The following TAF5 variants were observed in gnomAD, a reference collection of about 807,000 sequenced individuals.
The protein encoded by TAF5 is TATA-box binding protein associated factor 5.
A neutral mutation model predicts 80.9 loss-of-function variants in TAF5; 20 were observed. That is an observed-to-expected ratio of 0.25 (90% confidence interval 0.17 to 0.36). The LOEUF is 0.36. Ranked by LOEUF, TAF5 falls within the 10% of genes least tolerant of loss-of-function variation. The pLI is 1.00. For synonymous variants in TAF5, 388 were observed against 406.4 expected, an observed-to-expected ratio of 0.95 and a Z score of 0.55; for missense variants, 863 against 1,029.4, an observed-to-expected ratio of 0.84 and a Z score of 2.21.
Position 103,378,653 on chromosome 10 carries a change from A to G in TAF5, c.1113+103A>G, listed in dbSNP as rs936342502. On this transcript the variant is annotated intron_variant, in intron 3 of 10. Coordinates refer to ENST00000369839, the MANE Select transcript of TAF5 (RefSeq NM_006951.5). This position sits in a 1 kb window ranked among gnomAD's most constrained non-coding sequence, Gnocchi z 4.1. Reference sequence around the variant, plus strand: ...TTTTCTTATAGCTAGCTTGGAAACAATTTTTTTCGTTTGTTTGTTTTGAGA... The same window carrying G: ...TTTTCTTATAGCTAGCTTGGAAACAGTTTTTTTCGTTTGTTTGTTTTGAGA... The G allele has an allele frequency of 2.2e-5, 29 of 1,337,882 alleles. No homozygotes were observed. The African/African-American group carries it at 2.7e-4, about 12-fold the overall frequency. The allele number at this position is 1,337,882 out of a possible 1,614,324, so 82.9% of individuals were successfully genotyped here.
rs749885801 is a variant in TAF5 at position 103,387,631 on chromosome 10, A to G, written c.2118A>G (p.Glu706=). The G allele has an allele frequency of 4.3e-6, 7 of 1,614,048 alleles. No homozygotes were observed. The African/African-American group carries it at 9.3e-5, about 22-fold the overall frequency. Residue 706 remains glutamate (E), a synonymous_variant, in exon 10 of 11, where the codon GAA becomes GAG. Coordinates refer to ENST00000369839, the MANE Select transcript of TAF5 (RefSeq NM_006951.5). ...TTGGACATGGTTTGATGGTTGGAGA[A>G]TTAAAAGGCCACACTGATACAGTCT... ...WDIGHGLMVG[E]LKGHTDTVCS...
At position 103,378,829 on chromosome 10, in the gene TAF5, G is replaced by A. The variant is rs1268505384; in HGVS notation, c.1113+279G>A. On this transcript the variant is annotated intron_variant, in intron 3 of 10. Transcript: ENST00000369839. The surrounding 1 kb of genome is among the most constrained non-coding windows in gnomAD (Gnocchi z 4.1). ...CACGCCACCAACCTGGCTAATTTTTGTATTTACTTTAGTAGAGACAGGGTT... is the reference window on the plus strand; with the variant it reads ...CACGCCACCAACCTGGCTAATTTTTATATTTACTTTAGTAGAGACAGGGTT... 1.3e-5 allele frequency among the ~76,000 whole-genome samples: 2 copies of A among 152,044 alleles called. No individual in the cohort carries two copies. The highest frequency in any genetic ancestry group is 6.6e-5 in the Admixed American group (1 of 15,258).
Position 103,368,099 on chromosome 10 carries a change from G to A in TAF5, c.110G>A (p.Gly37Asp). The A allele has an allele frequency of 7.0e-7, 1 of 1,422,326 alleles. No homozygotes were observed. Among genetic ancestry groups the A allele is most frequent in the Non-Finnish European group, 9.2e-7 (1 of 1,089,942 alleles). 88.1% of individuals were successfully genotyped at this position (1,422,326 alleles called of 1,614,324 possible). The change falls in exon 1 of 11, where the codon GGC becomes GAC. Residue 37 changes from glycine (G) to aspartate (D), a missense_variant. Transcript: ENST00000369839. ...GGGGACGGCGCAGGCGAGGGTAGCG[G>A]CGGCACTACCAACAACGGCCCCAAC... Reference protein sequence around the residue: ...QAGDGAGEGSGGTTNNGPNGG... With the variant: ...QAGDGAGEGSDGTTNNGPNGG...
intron 1 of TAF5, among the ~76,000 whole-genome samples, chr10:103,371,104 G>C (rs986921888): frequency 6.6e-6 from 1 of 152,130 alleles, no homozygotes; most frequent in African/African-American, 2.4e-5. Flanking sequence ...TTAGCTGGGC[G>C]TGGTGGCATG....
chr10:103,375,933 T>C (rs576566008), intron 2 of TAF5, among the ~76,000 whole-genome samples: 31 of 151,524 alleles, frequency 2.0e-4, no homozygotes, highest in African/African-American at 5.3e-4. Flanking sequence ...TGGCAGACAC[T>C]TGTAATCCCA....
chr10:103,381,618 G>T, intron 5 of TAF5, 103 bp from the exon 6 acceptor site: 1 of 1,278,562 alleles, frequency 7.8e-7, no homozygotes. Context: ...TTAAAATAGA[G>T]GATTGAGGAG....
At chr10:103,385,200 C>A in intron 7 of TAF5, 126 bp from the exon 8 acceptor site, 1 of 691,548 alleles carries the variant, frequency 1.4e-6, no homozygotes, top group Non-Finnish European at 2.3e-6. Context: ...TGAGATGCAG[C>A]ATGTTAGGTA....
intron 10 of TAF5, 105 bp downstream of exon 10, chr10:103,387,803 C>T: frequency 8.0e-7 from 1 of 1,248,766 alleles, no homozygotes; most frequent in Non-Finnish European, 1.1e-6. Context: ...TTCCCTTTAG[C>T]TATGATTCCA....
chr10:103,381,846 C>G lies in TAF5; in HGVS notation c.1534+5C>G, dbSNP rs1592094494. On this transcript the variant is annotated splice_donor_5th_base_variant and intron_variant, in intron 6 of 10. Transcript: ENST00000369839. The stretch of plus-strand genomic sequence containing the variant: ...GTAGTGTCAAACAAGCATCAGGTAA[C>G]TGAGATGACCTTTTGGAATGTGAAC... 1.2e-6 allele frequency: 2 copies of G among 1,614,146 alleles called. No individual in the cohort carries two copies. The highest frequency in any genetic ancestry group is 1.7e-6 in the Non-Finnish European group (2 of 1,180,018).
At position 103,368,136 on chromosome 10, in the gene TAF5, G is replaced by A; in HGVS notation, c.147G>A (p.Gly49=). ...ACAACGGCCCCAACGGCGGCGGCGGGAACGTTGCGGCGTCGTCGTCCACTG... is the reference window on the plus strand; with the variant it reads ...ACAACGGCCCCAACGGCGGCGGCGGAAACGTTGCGGCGTCGTCGTCCACTG... The part of the protein sequence containing the change: ...TTNNGPNGGG[G]NVAASSSTGG... The change falls in exon 1 of 11, where the codon GGG becomes GGA. Residue 49 remains glycine (G), a synonymous_variant. Coordinates refer to ENST00000369839, the MANE Select transcript of TAF5 (RefSeq NM_006951.5). The A allele has an allele frequency of 7.2e-7, 1 of 1,398,020 alleles. No homozygotes were observed. Among genetic ancestry groups the A allele is most frequent in the Non-Finnish European group, 9.3e-7 (1 of 1,076,236 alleles). 86.6% of individuals were successfully genotyped at this position (1,398,020 alleles called of 1,614,324 possible).
intron 5 of TAF5, among the ~76,000 whole-genome samples, chr10:103,381,006 G>A (rs1307845751): frequency 6.6e-6 from 1 of 151,882 alleles, no homozygotes; most frequent in Non-Finnish European, 1.5e-5. Flanking sequence ...CTGGAGTGCG[G>A]TGGTGCAATT....
chr10:103,387,126 A>G (rs368558077), intron 8 of TAF5, 49 bp from the exon 9 acceptor site: 4 of 1,547,510 alleles, frequency 2.6e-6, no homozygotes, highest in Non-Finnish European at 2.6e-6. Context: ...TTGGCGTTTC[A>G]CAGCTATCTA....
At chr10:103,384,971 T>A (rs2093392472) in intron 7 of TAF5, among the ~76,000 whole-genome samples, 1 of 152,232 alleles carries the variant, frequency 6.6e-6, no homozygotes, top group Non-Finnish European at 1.5e-5. Flanking sequence ...AAGTGACATA[T>A]CACATTTCTT....
intron 8 of TAF5, among the ~76,000 whole-genome samples, 177 bp from the exon 9 acceptor site, chr10:103,386,998 G>C (rs931603525): frequency 7.3e-5 from 11 of 151,404 alleles, no homozygotes; most frequent in Non-Finnish European, 1.3e-4. Flanking sequence ...AATTGTACCA[G>C]ATGAACTCTT....
intron 6 of TAF5, among the ~76,000 whole-genome samples, chr10:103,382,837 G>T (rs1191100839): frequency 1.3e-5 from 2 of 151,638 alleles, no homozygotes; most frequent in Non-Finnish European, 2.9e-5. Context: ...GTAGAGACAG[G>T]GTTTCTCCAT....
intron 1 of TAF5, among the ~76,000 whole-genome samples, chr10:103,371,972 C>T (rs2093360521): frequency 6.7e-6 from 1 of 149,722 alleles, no homozygotes; most frequent in Non-Finnish European, 1.5e-5. Context: ...GAGTCTTGCT[C>T]TGTCACCAGG....
chr10:103,373,512 A>G lies in TAF5; in HGVS notation c.714A>G (p.Gln238=). The change falls in exon 2 of 11, where the codon CAA becomes CAG. Residue 238 remains glutamine, a synonymous_variant. Coordinates refer to ENST00000369839, the MANE Select transcript of TAF5 (RefSeq NM_006951.5). ...SLDCHRAELS[Q]LFYPLFVHMY... is the part of the protein sequence containing the mutation. ...ACTGCCATCGGGCAGAGTTGTCCCA[A>G]CTTTTTTATCCTCTGTTTGTGCACA... 1 of 1,614,164 alleles carries G rather than the reference A, an allele frequency of 6.2e-7. No homozygotes were observed. Among genetic ancestry groups the G allele is most frequent in the Non-Finnish European group, 8.5e-7 (1 of 1,180,040 alleles).
intron 7 of TAF5, 87 bp from the exon 8 acceptor site, chr10:103,385,239 T>C: frequency 1.9e-6 from 2 of 1,036,640 alleles, no homozygotes; most frequent in Non-Finnish European, 2.8e-6. Context: ...ATATATAAAA[T>C]ATTAAATGTA....
intron 2 of TAF5, among the ~76,000 whole-genome samples, chr10:103,377,980 A>G (rs1351148927): frequency 6.6e-6 from 1 of 152,166 alleles, no homozygotes; most frequent in African/African-American, 2.4e-5. Context: ...TTTTTCACTT[A>G]GGATATTTAA....
Sources: allele counts gnomAD v4.1 joint callset (sites outside exome capture counted in the v4.1 genomes callset), GRCh38; gene constraint gnomAD v4.1.1; non-coding constraint Gnocchi (gnomAD v3.1); transcripts MANE v1.5; gene names NCBI Gene and HGNC (gene_info 2026-07-23, HGNC 2026-07-21).